RNF170: variants seen among roughly 807,000 people sequenced by gnomAD.
RNF170 encodes the protein ring finger protein 170, also known as E3 ubiquitin-protein ligase RNF170.
In RNF170, 12 loss-of-function variants were observed where a neutral mutation model predicts 32.7. The ratio of observed to expected loss-of-function variants is 0.37; its 90% CI spans 0.24 to 0.60. The LOEUF is 0.60. RNF170 is among the 20% of genes least tolerant of loss of function. The pLI is 0.72. For synonymous variants in RNF170, 91 were observed against 103.6 expected (o/e 0.88, Z 0.74); for missense variants, 212 against 311.2 (o/e 0.68, Z 2.40).
intron 2 of RNF170, among the ~76,000 whole-genome samples, chr8:42,884,993 C>T (rs1805703976): frequency 6.6e-6 from 1 of 150,626 alleles, no homozygotes; most frequent in East Asian, 2.0e-4. Flanking sequence ...CGAGCCACCG[C>T]GCCCTGCCTC....
intron 2 of RNF170, among the ~76,000 whole-genome samples, chr8:42,884,630 G>C (rs980312731): frequency 5.3e-5 from 8 of 151,804 alleles, no homozygotes; most frequent in Non-Finnish European, 1.2e-4. Flanking sequence ...TTGACCTTTA[G>C]CTATTAATTT....
rs539870997 is a variant in RNF170, at chr8:42,896,597, T to C, written c.-121A>G. ...ACCCACTAGACGTCCCCTTTCTAAT[T>C]TGGAGTGCGGGTGCGGGCGCACGCG... is the stretch of plus-strand genomic sequence containing the variant. On this transcript the variant is annotated 5_prime_UTR_variant, in exon 1 of 7. Transcript: ENST00000527424. 8.6e-5 allele frequency: 39 copies of C among 453,712 alleles called. No homozygotes were observed. The highest frequency in any genetic ancestry group is 6.9e-4 in the Middle Eastern group (1 of 1,442). 28.1% of individuals were successfully genotyped at this position (453,712 alleles called of 1,614,324 possible). A position where few individuals can be genotyped will look rare whatever the true frequency, so the allele number is the denominator to read the frequency against.
intron 2 of RNF170, chr8:42,881,363 T>C (rs1805386230): frequency 6.6e-6 from 1 of 152,184 alleles, no homozygotes; most frequent in Admixed American, 6.5e-5. Flanking sequence ...AACTTTGGCA[T>C]CAATATGATG....
At chr8:42,862,701 A>C (rs1472217586) in intron 5 of RNF170, among the ~76,000 whole-genome samples, 2 of 152,248 alleles carry the variant, frequency 1.3e-5, no homozygotes, top group Admixed American at 1.3e-4. Flanking sequence ...GTGACTAAGC[A>C]CAGAAGGTGG....
intron 2 of RNF170, among the ~76,000 whole-genome samples, chr8:42,883,098 T>C (rs2128947889): frequency 6.6e-6 from 1 of 151,586 alleles, no homozygotes; most frequent in Admixed American, 6.6e-5. Flanking sequence ...TGTTCTGACT[T>C]ATAAGTGGGA....
At chr8:42,880,748 C>T (rs770689383) in intron 2 of RNF170, among the ~76,000 whole-genome samples, 7 of 151,818 alleles carry the variant, frequency 4.6e-5, no homozygotes, top group Admixed American at 2.6e-4. Flanking sequence ...CCAGCCTGGG[C>T]GACAGAATGA....
rs557364723 is a variant in RNF170, at chr8:42,855,215, T to G, written c.*944A>C. 1.6e-6 allele frequency: 2 copies of G among 1,268,896 alleles called. No homozygotes were observed. The highest frequency in any genetic ancestry group is 5.6e-5 in the East Asian group (1 of 17,944). 78.6% of individuals were successfully genotyped at this position (1,268,896 alleles called of 1,614,324 possible). A position where few individuals can be genotyped will look rare whatever the true frequency, so the allele number is the denominator to read the frequency against. ...GAACATCAAGTGTGCTGACTGGAGA[T>G]AAATGTTTTTCATCTTTTTTTTTTT... On this transcript the variant is annotated 3_prime_UTR_variant, in exon 7 of 7. Transcript: ENST00000527424.
At chr8:42,874,120 A>G in intron 2 of RNF170, 114 bp from the exon 3 acceptor site, 1 of 705,628 alleles carries the variant, frequency 1.4e-6, no homozygotes, top group Non-Finnish European at 2.6e-6. Context: ...AATTGATGGC[A>G]TACAAGCACT....
chr8:42,854,334 A>G lies in RNF170; in HGVS notation c.*1825T>C. ...TTCTATGCAGGAGTCCTACTAAGAA[A>G]TTTTGGTGTAATGCCACTTTGATCA... On this transcript the variant is annotated 3_prime_UTR_variant, in exon 7 of 7. Coordinates refer to ENST00000527424, the MANE Select transcript of RNF170 (RefSeq NM_030954.4). 7.8e-7 allele frequency: 1 copy of G among 1,287,212 alleles called. No individual in the cohort carries two copies. Among genetic ancestry groups the G allele is most frequent in the Non-Finnish European group, 1.0e-6 (1 of 988,682 alleles). The allele number at this position is 1,287,212 out of a possible 1,614,324, so 79.7% of individuals were successfully genotyped here.
chr8:42,855,535 T>C lies in RNF170; in HGVS notation c.*624A>G, dbSNP rs1257775045. 7.8e-7 allele frequency: 1 copy of C among 1,283,514 alleles called. No homozygotes were observed. Among genetic ancestry groups the C allele is most frequent in the Non-Finnish European group, 1.0e-6 (1 of 985,052 alleles). The allele number at this position is 1,283,514 out of a possible 1,614,324, so 79.5% of individuals were successfully genotyped here. On this transcript the variant is annotated 3_prime_UTR_variant, in exon 7 of 7. Transcript: ENST00000527424. ...CATGTTTTTCATCTTAATTCTTCTA[T>C]TGATTAAAATGTGTTCTGTAAACTA...
intron 2 of RNF170, among the ~76,000 whole-genome samples, chr8:42,879,652 A>G (rs2128943790): frequency 6.6e-6 from 1 of 152,296 alleles, no homozygotes; most frequent in South Asian, 2.1e-4. Context: ...CTCCATCTCA[A>G]AAGCAATAAA....
At chr8:42,896,380 G>C (rs778418808) in intron 1 of RNF170, 104 bp downstream of exon 1, 19 of 436,006 alleles carry the variant, frequency 4.4e-5, no homozygotes, top group South Asian at 2.4e-4. Context: ...CCGCCGCCCC[G>C]CAGAGCCTCG....
chr8:42,861,501 T>C, intron 6 of RNF170: 1 of 441,240 alleles, frequency 2.3e-6, no homozygotes, highest in Non-Finnish European at 4.2e-6. Flanking sequence ...CCAACACTCT[T>C]GTCCAATTTT....
At chr8:42,853,159 C>G (rs1802989335), downstream of RNF170, 1 of 278,020 alleles carries the variant, frequency 3.6e-6, no homozygotes, top group South Asian at 5.3e-5. Flanking sequence ...AAATAAAAAA[C>G]CTAACAAAAT....
At position 42,870,047 on chromosome 8, in the gene RNF170, T is replaced by TTGG; in HGVS notation, c.276_278dup (p.His92dup). ...AGTTGGTCTCCACCGGGAAGGAGGCTTGGTGCAGGCAGATGGGACAGTACA... is the reference window on the plus strand; with the variant it reads ...AGTTGGTCTCCACCGGGAAGGAGGCTTGGTGGTGCAGGCAGATGGGACAGTACA... On this transcript the variant is annotated inframe_insertion, in exon 4 of 7. Coordinates refer to ENST00000527424, the MANE Select transcript of RNF170 (RefSeq NM_030954.4). The TTGG allele has an allele frequency of 6.2e-7, 1 of 1,614,054 alleles. No homozygotes were observed. The highest frequency in any genetic ancestry group is 8.5e-7 in the Non-Finnish European group (1 of 1,179,984).
Position 42,874,024 on chromosome 8 carries a change from A to C in RNF170, c.138-18T>G. The C allele has an allele frequency of 6.9e-7, 1 of 1,439,434 alleles. No individual in the cohort carries two copies. Among genetic ancestry groups the C allele is most frequent in the Non-Finnish European group, 9.8e-7 (1 of 1,022,740 alleles). The allele number at this position is 1,439,434 out of a possible 1,614,324, so 89.2% of individuals were successfully genotyped here. On this transcript the variant is annotated intron_variant, in intron 2 of 6. Transcript: ENST00000527424. ...GTACATTTCTGTTGAATAGAATATAATAAATTTTGAATAGAAAATATTATC... is the reference window on the plus strand; with the variant it reads ...GTACATTTCTGTTGAATAGAATATACTAAATTTTGAATAGAAAATATTATC...
At chr8:42,850,613 A>C, downstream of RNF170, 2 of 735,154 alleles carry the variant, frequency 2.7e-6, no homozygotes, top group Non-Finnish European at 4.5e-6. Flanking sequence ...CTGTTTTCAT[A>C]GAGCTTGTGT....
downstream of RNF170, chr8:42,850,898 T>C: frequency 6.4e-7 from 1 of 1,551,694 alleles, no homozygotes; most frequent in Non-Finnish European, 8.7e-7. Flanking sequence ...GGCCCTGACC[T>C]GCATCCGACT....
chr8:42,850,975 C>A, downstream of RNF170: 1 of 1,551,566 alleles, frequency 6.4e-7, no homozygotes, highest in Non-Finnish European at 8.7e-7. Context: ...CTCACTTGCA[C>A]GGCTGCTCTT....
Sources: allele counts gnomAD v4.1 joint callset (sites outside exome capture counted in the v4.1 genomes callset), GRCh38; gene constraint gnomAD v4.1.1; transcripts MANE v1.5; gene names NCBI Gene and HGNC (gene_info 2026-07-23, HGNC 2026-07-21).